The following VWA8 variants were observed in gnomAD, a reference collection of about 807,000 sequenced individuals.
The protein encoded by VWA8 is von Willebrand factor A domain containing 8.
A neutral mutation model predicts 241.5 loss-of-function variants in VWA8; 221 were observed. The ratio of observed to expected loss-of-function variants is 0.91; its 90% CI spans 0.82 to 1.02. VWA8 has a LOEUF of 1.02. VWA8 is among the 50% of genes least tolerant of loss of function. The pLI is 0.00. For missense variants in VWA8, 2,322 were observed against 2,328.7 expected, an observed-to-expected ratio of 1.00 and a Z score of 0.06; for synonymous variants, 852 against 827.1, an observed-to-expected ratio of 1.03 and a Z score of -0.52.
intron 12 of VWA8, among the ~76,000 whole-genome samples, chr13:41,846,270 C>T (rs984118021): frequency 1.3e-5 from 2 of 152,012 alleles, no homozygotes; most frequent in South Asian, 2.1e-4. Flanking sequence ...ATGAATTACC[C>T]GTTTGGTATT....
chr13:41,654,487 C>T (rs912632050), intron 37 of VWA8, among the ~76,000 whole-genome samples: 5 of 152,188 alleles, frequency 3.3e-5, no homozygotes, highest in South Asian at 4.1e-4. Flanking sequence ...AACTGTTCCA[C>T]GTCAGATCAT....
intron 12 of VWA8, among the ~76,000 whole-genome samples, chr13:41,863,690 G>A (rs1406201029): frequency 6.6e-6 from 1 of 151,886 alleles, no homozygotes; most frequent in African/African-American, 2.4e-5. Context: ...GATGTAGCTA[G>A]AGGACATTAT....
chr13:41,960,815 A>G (rs1166667609), intron 1 of VWA8, 38 bp downstream of exon 1: 1 of 1,502,670 alleles, frequency 6.7e-7, no homozygotes, highest in African/African-American at 1.4e-5. Flanking sequence ...CACGGAGCGC[A>G]GGGGCACCAG....
At chr13:41,632,201 A>G (rs963265298) in intron 37 of VWA8, among the ~76,000 whole-genome samples, 5 of 152,220 alleles carry the variant, frequency 3.3e-5, no homozygotes, top group African/African-American at 9.6e-5. Flanking sequence ...CTTCATTATT[A>G]AAGCTCAATG....
chr13:41,712,115 T>C (rs2045322644), intron 26 of VWA8, among the ~76,000 whole-genome samples: 1 of 152,042 alleles, frequency 6.6e-6, no homozygotes, highest in Non-Finnish European at 1.5e-5. Flanking sequence ...GAGGGGCTTA[T>C]GAAGAGAGGT....
At chr13:41,702,301 T>C (rs74051064) in intron 27 of VWA8, among the ~76,000 whole-genome samples, 354 of 152,312 alleles carry the variant, frequency 2.3e-3, no homozygotes, top group African/African-American at 7.9e-3. Flanking sequence ...ATCTAGTCTA[T>C]ATCTTGAGGG....
intron 17 of VWA8, among the ~76,000 whole-genome samples, chr13:41,789,814 A>G (rs61963082): frequency 0.19 from 28,754 of 152,026 alleles, 3,496 homozygotes; most frequent in East Asian, 0.36. Context: ...GTAATTGATT[A>G]ATTAATTTGT....
rs548969098 is a variant in VWA8 at position 41,588,832 on chromosome 13, C to T, written c.5113-1162G>A. 1.4e-4 allele frequency among the ~76,000 whole-genome samples: 22 copies of T among 151,990 alleles called. No individual in the cohort carries two copies. The East Asian group carries it at 2.1e-3, about 15-fold the overall frequency. On this transcript the variant is annotated intron_variant, in intron 41 of 44. Coordinates refer to ENST00000379310, the MANE Select transcript of VWA8 (RefSeq NM_015058.2). ...CAGAGTTAGTAATTTCAAGAAAACA[C>T]GGTGGGTATTGAGAGTGTAATGGTT...
At chr13:41,773,590 G>A (rs193258229) in intron 20 of VWA8, among the ~76,000 whole-genome samples, 81 of 152,214 alleles carry the variant, frequency 5.3e-4, no homozygotes, top group Non-Finnish European at 9.7e-4. Context: ...GTACTCCCTC[G>A]TACCCACCAA....
At chr13:41,594,126 T>G (rs1157205993) in intron 40 of VWA8, among the ~76,000 whole-genome samples, 1 of 148,656 alleles carries the variant, frequency 6.7e-6, no homozygotes, top group Non-Finnish European at 1.5e-5. Flanking sequence ...TAATTTTTGT[T>G]TTTTTTTTTT....
At position 41,873,966 on chromosome 13, in the gene VWA8, T is replaced by C. The variant is rs1217894109; in HGVS notation, c.1081-5489A>G. On this transcript the variant is annotated intron_variant, in intron 9 of 44. Coordinates refer to ENST00000379310, the MANE Select transcript of VWA8 (RefSeq NM_015058.2). The stretch of plus-strand genomic sequence containing the variant: ...TACTGGCAAACCAAATCCAGCAGCA[T>C]ATCAAAAAGCTTATTCACCATGATC... 3.5e-3 allele frequency among the ~76,000 whole-genome samples: 528 copies of C among 152,206 alleles called. 1 individual carries two copies. The highest frequency in any genetic ancestry group is 0.012 in the African/African-American group (496 of 41,494).
intron 20 of VWA8, among the ~76,000 whole-genome samples, chr13:41,766,912 A>C (rs1214078696): frequency 6.6e-6 from 1 of 152,160 alleles, no homozygotes; most frequent in Non-Finnish European, 1.5e-5. Context: ...AATCACATAA[A>C]ACACGTCTGG....
intron 29 of VWA8, among the ~76,000 whole-genome samples, chr13:41,694,910 A>G (rs776605644): frequency 1.3e-5 from 2 of 152,212 alleles, no homozygotes; most frequent in Non-Finnish European, 2.9e-5. Flanking sequence ...TCTAAGTGAC[A>G]GAAAACATGT....
chr13:41,821,279 G>A (rs1349270400), intron 14 of VWA8, among the ~76,000 whole-genome samples: 1 of 152,140 alleles, frequency 6.6e-6, no homozygotes, highest in Non-Finnish European at 1.5e-5. Flanking sequence ...TTTGAAGAAG[G>A]CAGTTTCTAA....
chr13:41,622,766 C>T (rs945134037), intron 37 of VWA8, among the ~76,000 whole-genome samples: 1 of 152,182 alleles, frequency 6.6e-6, no homozygotes, highest in South Asian at 2.1e-4. Flanking sequence ...GGGCAAGGCC[C>T]ATATATTTTA....
intron 37 of VWA8, among the ~76,000 whole-genome samples, chr13:41,621,492 GA>G (rs1438446894): frequency 6.6e-6 from 1 of 152,186 alleles, no homozygotes; most frequent in Non-Finnish European, 1.5e-5. Context: ...ACAATTGGAA[GA>G]ACCATTCTGA....
At chr13:41,576,567 T>C (rs1269910530) in intron 42 of VWA8, among the ~76,000 whole-genome samples, 1 of 152,184 alleles carries the variant, frequency 6.6e-6, no homozygotes, top group African/African-American at 2.4e-5. Flanking sequence ...CTAGGGAAGA[T>C]GAGTCCCATT....
chr13:41,787,630 A>ACG, intron 17 of VWA8, 87 bp from the exon 18 acceptor site: 1 of 791,344 alleles, frequency 1.3e-6, no homozygotes, highest in Non-Finnish European at 2.2e-6. Flanking sequence ...ACACACACAC[A>ACG]CACACACTCC....
intron 25 of VWA8, among the ~76,000 whole-genome samples, chr13:41,720,713 C>T (rs9594617): frequency 2.6e-5 from 4 of 152,094 alleles, no homozygotes; most frequent in Admixed American, 2.6e-4. Context: ...CCCTGCCCCA[C>T]CTTTCTACTT....
Sources: gnomAD v4.1 joint callset for allele counts (sites outside exome capture counted in the v4.1 genomes callset) on GRCh38, gnomAD v4.1.1 for gene constraint, MANE v1.5 for transcripts, NCBI Gene and HGNC (gene_info 2026-07-23, HGNC 2026-07-21) for gene names.